Variants in GTF3C1 observed in about 807,000 individuals in gnomAD.
GTF3C1 encodes general transcription factor IIIC subunit 1.
Under a neutral mutation model 226.7 loss-of-function variants are expected in GTF3C1, and 57 were observed. That is an observed-to-expected ratio of 0.25 (90% CI 0.20 to 0.31). The LOEUF is 0.31. GTF3C1 is among the 10% of genes least tolerant of loss of function. The pLI, the probability that GTF3C1 is intolerant of heterozygous loss-of-function variation, is 1.00. For synonymous variants in GTF3C1, 1,090 were observed against 1,084.8 expected (o/e 1.00, Z -0.09); for missense variants, 2,217 against 2,776.1 (o/e 0.80, Z 4.53).
At chr16:27,546,959 G>T (rs908042620) in intron 1 of GTF3C1, among the ~76,000 whole-genome samples, 1 of 151,862 alleles carries the variant, frequency 6.6e-6, no homozygotes, top group African/African-American at 2.4e-5. Flanking sequence ...TAGAGAGAGG[G>T]TTTCACGATG....
At chr16:27,497,533 G>A in intron 14 of GTF3C1, 104 bp downstream of exon 14, 2 of 870,390 alleles carry the variant, frequency 2.3e-6, no homozygotes, top group Non-Finnish European at 3.7e-6. Context: ...CGATTCTTCT[G>A]ACTGCGGCTC....
chr16:27,491,676 T>A (rs2088235022), intron 19 of GTF3C1, among the ~76,000 whole-genome samples: 2 of 152,158 alleles, frequency 1.3e-5, no homozygotes, highest in African/African-American at 2.4e-5. Context: ...GCACATCTGA[T>A]CAGTTCCCTC....
chr16:27,516,159 C>T (rs2088655173), intron 6 of GTF3C1, among the ~76,000 whole-genome samples: 1 of 152,234 alleles, frequency 6.6e-6, no homozygotes, highest in African/African-American at 2.4e-5. Flanking sequence ...AGATAAGCCC[C>T]AAAGCTGCCC....
rs1286375279 is a variant in GTF3C1 at position 27,469,255 on chromosome 16, G to A, written c.5074+36C>T. On this transcript the variant is annotated intron_variant, in intron 32 of 36. Transcript: ENST00000356183. The surrounding 1 kb of genome is among the most constrained non-coding windows in gnomAD (Gnocchi z 4.5). ...CAGGGTCTTCCTGGATGATGGCGAG[G>A]CCAGGCCCTCCCACAGCACCAGCAG... The A allele has an allele frequency of 1.3e-6, 2 of 1,529,100 alleles. No individual in the cohort carries two copies. The highest frequency in any genetic ancestry group is 1.4e-5 in the African/African-American group (1 of 73,066). 94.7% of individuals were successfully genotyped at this position (1,529,100 alleles called of 1,614,324 possible). A position where few individuals can be genotyped will look rare whatever the true frequency, so the allele number is the denominator to read the frequency against.
At position 27,490,595 on chromosome 16, in the gene GTF3C1, A is replaced by G. The variant is rs140969895; in HGVS notation, c.3152-852T>C. Among the ~76,000 whole-genome samples, 128 of 152,310 alleles carry G rather than the reference A, an allele frequency of 8.4e-4. 3 individuals carry two copies. In the East Asian group the frequency reaches 0.023, roughly 28 times the overall value. Reference sequence around the variant, plus strand: ...CAGGGAGGTTACAAGTAGCTTGCCCAAGGTCACCCGTTTGAATGGACCCTT... The same window carrying G: ...CAGGGAGGTTACAAGTAGCTTGCCCGAGGTCACCCGTTTGAATGGACCCTT... On this transcript the variant is annotated intron_variant, in intron 19 of 36. Transcript: ENST00000356183.
At chr16:27,478,425 T>C (rs754718612) in intron 28 of GTF3C1, 44 bp downstream of exon 28, 1 of 1,273,942 alleles carries the variant, frequency 7.8e-7, no homozygotes, top group East Asian at 2.3e-5. Flanking sequence ...GCCATCAAGT[T>C]ATTAAGCAGC....
intron 19 of GTF3C1, among the ~76,000 whole-genome samples, chr16:27,490,868 G>A (rs1218291814): frequency 6.6e-6 from 1 of 152,120 alleles, no homozygotes; most frequent in Non-Finnish European, 1.5e-5. Flanking sequence ...TGAATGAAGG[G>A]ACAATCAATG....
intron 25 of GTF3C1, 113 bp from the exon 26 acceptor site, chr16:27,483,238 A>G: frequency 1.0e-6 from 1 of 969,962 alleles, no homozygotes; most frequent in South Asian, 1.4e-5. Flanking sequence ...TTGAAGCATG[A>G]GTTACTTATA....
Position 27,528,674 on chromosome 16 carries a change from G to A in GTF3C1, c.897C>T (p.Asn299=), listed in dbSNP as rs1054946816. Residue 299 remains asparagine, a synonymous_variant, in exon 6 of 37, where the codon AAC becomes AAT. Transcript: ENST00000356183. ...TFKRLYQYML[N]AGLAKVVSLR... The stretch of plus-strand genomic sequence containing the variant: ...GAGACACCACCTTGGCTAGCCCGGC[G>A]TTCAGCATATACTGGTACAGACGCT... The A allele has an allele frequency of 4.0e-5, 64 of 1,612,438 alleles. No homozygotes were observed. The highest frequency in any genetic ancestry group is 5.3e-5 in the Non-Finnish European group (63 of 1,178,578).
At chr16:27,517,877 A>G (rs1049600667) in intron 6 of GTF3C1, among the ~76,000 whole-genome samples, 2 of 152,218 alleles carry the variant, frequency 1.3e-5, no homozygotes, top group African/African-American at 2.4e-5. Flanking sequence ...CTTCCACACT[A>G]GGCCACCTGG....
chr16:27,542,907 A>T (rs1040056411), intron 2 of GTF3C1, among the ~76,000 whole-genome samples: 3 of 152,330 alleles, frequency 2.0e-5, no homozygotes, highest in Middle Eastern at 6.8e-3. Context: ...TTTTCTTTGT[A>T]AATTACCCAG....
At chr16:27,465,687 C>A (rs1411234608) in intron 32 of GTF3C1, 147 bp from the exon 33 acceptor site, 1 of 643,380 alleles carries the variant, frequency 1.6e-6, no homozygotes, top group Non-Finnish European at 2.7e-6. Context: ...TGGGTGGACA[C>A]ACTGGGCCCC....
Position 27,506,836 on chromosome 16 carries a change from G to A in GTF3C1, c.1552+11C>T, listed in dbSNP as rs773939263. 84 of 1,589,490 alleles carry A rather than the reference G, an allele frequency of 5.3e-5. No individual in the cohort carries two copies. The highest frequency in any genetic ancestry group is 6.8e-5 in the Non-Finnish European group (79 of 1,166,434). On this transcript the variant is annotated intron_variant, in intron 9 of 36. Transcript: ENST00000356183. Reference sequence around the variant, plus strand: ...TGCACGCAGCCCCTGCCCACCCCACGTGCTCCCTACCCTTGGTTGGGGTGG... The same window carrying A: ...TGCACGCAGCCCCTGCCCACCCCACATGCTCCCTACCCTTGGTTGGGGTGG...
At chr16:27,488,664 A>C in intron 21 of GTF3C1, 29 bp from the exon 22 acceptor site, 7 of 1,560,220 alleles carry the variant, frequency 4.5e-6, no homozygotes, top group Non-Finnish European at 4.4e-6. Context: ...ACTGGGATGA[A>C]GCATGAGCTT....
Position 27,533,356 on chromosome 16 carries a change from G to C in GTF3C1, c.784C>G (p.Leu262Val). ...GTCCGTGTGCTCAGCATGACCGAAA[G>C]CTTCTCCATGAGGATGTCGTATTTG... Reference protein sequence around the residue: ...RSKYDILMEKLSVMLSTRTNH... With the variant: ...RSKYDILMEKVSVMLSTRTNH... The change falls in exon 5 of 37, where the codon CTT becomes GTT. Residue 262 changes from leucine (L) to valine (V), a missense_variant. Physicochemically the swap from Leu to Val is conservative, Grantham distance 32. This residue lies in a region of GTF3C1 where 163 missense variants were observed against 234.3 expected (regional missense o/e 0.70). Transcript: ENST00000356183. The C allele has an allele frequency of 1.2e-6, 2 of 1,607,198 alleles. No homozygotes were observed. Among genetic ancestry groups the C allele is most frequent in the Non-Finnish European group, 1.7e-6 (2 of 1,173,716 alleles).
At position 27,463,405 on chromosome 16, in the gene GTF3C1, C is replaced by T. The variant is rs1315945540; in HGVS notation, c.5924+136G>A. ...ACTGCGCCCCTCCAAGTACCCCTGC[C>T]AAGAACCAAGGTGCCGGGCAGGCTG... On this transcript the variant is annotated intron_variant, in intron 35 of 36. Coordinates refer to ENST00000356183, the MANE Select transcript of GTF3C1 (RefSeq NM_001520.4). The surrounding 1 kb of genome is among the most constrained non-coding windows in gnomAD (Gnocchi z 4.9). The T allele has an allele frequency of 2.9e-6, 2 of 684,280 alleles. No individual in the cohort carries two copies. The highest frequency in any genetic ancestry group is 1.8e-5 in the African/African-American group (1 of 55,782). 42.4% of individuals were successfully genotyped at this position (684,280 alleles called of 1,614,324 possible). A position where few individuals can be genotyped will look rare whatever the true frequency, so the allele number is the denominator to read the frequency against.
rs755157620 is a variant in GTF3C1 at position 27,471,716 on chromosome 16, C to T, written c.4526+32G>A. The T allele has an allele frequency of 2.7e-5, 43 of 1,566,760 alleles. No individual in the cohort carries two copies. Among genetic ancestry groups the T allele is most frequent in the South Asian group, 2.1e-4 (19 of 89,930 alleles). ...TTACAGACAGGGCGTGGCTCCACCT[C>T]GGAGTACCCAAGGCTCCTGACAGGT... On this transcript the variant is annotated intron_variant, in intron 30 of 36. Transcript: ENST00000356183. The surrounding 1 kb of genome is among the most constrained non-coding windows in gnomAD (Gnocchi z 5.0).
chr16:27,472,587 C>A (rs1229763913), intron 29 of GTF3C1, among the ~76,000 whole-genome samples: 1 of 152,214 alleles, frequency 6.6e-6, no homozygotes, highest in Non-Finnish European at 1.5e-5. Context: ...TGGGACCCTG[C>A]CCGCCCAGCC....
At chr16:27,527,968 T>C (rs2088858374) in intron 6 of GTF3C1, among the ~76,000 whole-genome samples, 1 of 143,554 alleles carries the variant, frequency 7.0e-6, no homozygotes, top group African/African-American at 2.7e-5. Context: ...AGAAAGACCC[T>C]GTCTCAAAAA....
Sources: gnomAD v4.1 joint callset for allele counts (sites outside exome capture counted in the v4.1 genomes callset) on GRCh38, gnomAD v4.1.1 for gene constraint, gnomAD v4.1.1 regional missense constraint, Gnocchi (gnomAD v3.1) non-coding constraint, MANE v1.5 for transcripts, NCBI Gene and HGNC (gene_info 2026-07-23, HGNC 2026-07-21) for gene names.